Variants in OCSTAMP observed in about 807,000 individuals in gnomAD.
OCSTAMP encodes the protein transmembrane protein C20orf123.
In OCSTAMP, 17 loss-of-function variants were observed where a neutral mutation model predicts 25.2. The observed-to-expected ratio is 0.68, with a 90% CI of 0.46 to 1.01. The LOEUF (loss-of-function observed/expected upper bound fraction) is 1.01, where lower values mean the gene tolerates loss of function less well. OCSTAMP is among the 50% of genes least tolerant of loss of function. OCSTAMP has a pLI of 0.00. For synonymous variants in OCSTAMP, 345 were observed against 318.9 expected, an observed-to-expected ratio of 1.08 and a Z score of -0.87; for missense variants, 664 against 694.6, an observed-to-expected ratio of 0.96 and a Z score of 0.50.
At chr20:46,542,247 A>G (rs1372321617) in intron 2 of OCSTAMP, among the ~76,000 whole-genome samples, 3 of 152,168 alleles carry the variant, frequency 2.0e-5, no homozygotes, top group African/African-American at 4.8e-5. Flanking sequence ...TCCAATATAC[A>G]CAATTCTATG....
At position 46,550,539 on chromosome 20, in the gene OCSTAMP, C is replaced by T; in HGVS notation, c.22G>A (p.Ala8Thr). The change falls in exon 1 of 3, where the codon GCT becomes ACT. Residue 8 changes from alanine to threonine, a missense_variant. Physicochemically the swap from Ala to Thr is moderately conservative, Grantham distance 58. Transcript: ENST00000279028. MPGHPGA[A>T]EQLVKTGWRS... ...TACCCGGTCTTGACAAGTTGCTCAGCTGCTCCTGGGTGGCCTGGCATGCTG... is the reference window on the plus strand; with the variant it reads ...TACCCGGTCTTGACAAGTTGCTCAGTTGCTCCTGGGTGGCCTGGCATGCTG... The T allele has an allele frequency of 3.9e-6, 6 of 1,551,740 alleles. No individual in the cohort carries two copies. The highest frequency in any genetic ancestry group is 5.2e-6 in the Non-Finnish European group (6 of 1,146,990).
At position 46,541,882 on chromosome 20, in the gene OCSTAMP, G is replaced by T; in HGVS notation, c.1093C>A (p.Leu365Met). ...GAGAGGAAGGGGCTCTCCGGAGCCA[G>T]CTGGTTGAAGAGGAAAGGGATGAAG... ...LGFIPFLFNQLAPESPFLSVH... is the reference protein window; with the variant it reads ...LGFIPFLFNQMAPESPFLSVH... The change falls in exon 3 of 3, where the codon CTG becomes ATG. Residue 365 changes from leucine (L) to methionine (M), a missense_variant. Leu to Met is a conservative substitution (Grantham distance 15). Coordinates refer to ENST00000279028, the MANE Select transcript of OCSTAMP (RefSeq NM_080721.3). The T allele has an allele frequency of 6.8e-7, 1 of 1,462,688 alleles. No individual in the cohort carries two copies. Among genetic ancestry groups the T allele is most frequent in the Admixed American group, 2.9e-5 (1 of 34,140 alleles). 90.6% of individuals were successfully genotyped at this position (1,462,688 alleles called of 1,614,324 possible).
Position 46,541,443 on chromosome 20 carries a change from A to G in OCSTAMP, c.1532T>C (p.Leu511Pro), listed in dbSNP as rs890309620. The G allele has an allele frequency of 3.3e-6, 5 of 1,518,548 alleles. No homozygotes were observed. Among genetic ancestry groups the G allele is most frequent in the African/African-American group, 2.8e-5 (2 of 72,290 alleles). The allele number at this position is 1,518,548 out of a possible 1,614,324, so 94.1% of individuals were successfully genotyped here. A position where few individuals can be genotyped will look rare whatever the true frequency, so the allele number is the denominator to read the frequency against. The change falls in exon 3 of 3, where the codon CTT becomes CCT. Residue 511 changes from leucine (L) to proline (P), a missense_variant. By Grantham distance (98) the Leu-to-Pro change is moderately conservative. Transcript: ENST00000279028. Reference protein sequence around the residue: ...LWSCRDLSCNLGPVPPPCVTL... With the variant: ...LWSCRDLSCNPGPVPPPCVTL... ...CACACAGGGAGGCGGCACAGGACCA[A>G]GGTTACAACTCAGGTCTCTGCAACT...
chr20:46,546,260 G>A lies in OCSTAMP; in HGVS notation c.114C>T (p.Ser38=). Residue 38 remains serine, a synonymous_variant, in exon 2 of 3, where the codon TCC becomes TCT. Transcript: ENST00000279028. ...GGCCACAGCTGGCTGGAACAGGCTG[G>A]GAGAAGGCGTCCCAGGCAGCCTGCA... ...APLQAAWDAF[S]QPVPASCGQL... 1 of 1,550,926 alleles carries A rather than the reference G, an allele frequency of 6.4e-7. No homozygotes were observed. The highest frequency in any genetic ancestry group is 8.7e-7 in the Non-Finnish European group (1 of 1,146,960).
rs1470363549 is a variant in OCSTAMP, at chr20:46,541,534, A to T, written c.1441T>A (p.Trp481Arg). Residue 481 changes from tryptophan (W) to arginine (R), a missense_variant, in exon 3 of 3, where the codon TGG becomes AGG. Transcript: ENST00000279028. Reference protein sequence around the residue: ...TPRPACKPPAWIDYRLDALRT... With the variant: ...TPRPACKPPARIDYRLDALRT... ...AAGGCATCCAGCCTGTAGTCTATCCATGCCGGAGGCTTGCAGGCAGGTCTG... is the reference window on the plus strand; with the variant it reads ...AAGGCATCCAGCCTGTAGTCTATCCTTGCCGGAGGCTTGCAGGCAGGTCTG... 6.4e-7 allele frequency: 1 copy of T among 1,551,602 alleles called. No individual in the cohort carries two copies. The highest frequency in any genetic ancestry group is 8.7e-7 in the Non-Finnish European group (1 of 1,146,968).
intron 2 of OCSTAMP, among the ~76,000 whole-genome samples, chr20:46,542,896 A>G (rs3092003): frequency 2.7e-3 from 406 of 152,338 alleles, no homozygotes; most frequent in African/African-American, 9.5e-3. Flanking sequence ...ATAATGTGAA[A>G]GCAATGAGTG....
At chr20:46,548,790 T>TCCC (rs2061861037) in intron 1 of OCSTAMP, among the ~76,000 whole-genome samples, 1 of 152,222 alleles carries the variant, frequency 6.6e-6, no homozygotes, top group South Asian at 2.1e-4. Flanking sequence ...CTGGGTCTAG[T>TCCC]TGATCCAAGT....
intron 2 of OCSTAMP, among the ~76,000 whole-genome samples, chr20:46,545,050 G>A (rs560341285): frequency 6.6e-6 from 1 of 152,230 alleles, no homozygotes. Context: ...GCTAGGACAA[G>A]CTGCCACTTG....
intron 2 of OCSTAMP, among the ~76,000 whole-genome samples, chr20:46,543,705 A>G (rs1209110713): frequency 6.6e-6 from 1 of 152,182 alleles, no homozygotes; most frequent in Non-Finnish European, 1.5e-5. Flanking sequence ...TAATAAGTGA[A>G]CTATTTTATA....
In OCSTAMP at chr20:46,542,296, G is replaced by C. The variant is rs185012905; in HGVS notation, c.1048-369C>G. 3.3e-5 allele frequency among the ~76,000 whole-genome samples: 5 copies of C among 152,230 alleles called. No individual in the cohort carries two copies. In the South Asian group the frequency reaches 8.3e-4, roughly 25 times the overall value. ...AGGAGCCTAATTTAAAAGATGGGAA[G>C]TGGCCAGGCGCAGTGGCTCACGCCT... On this transcript the variant is annotated intron_variant, in intron 2 of 2. Coordinates refer to ENST00000279028, the MANE Select transcript of OCSTAMP (RefSeq NM_080721.3).
Position 46,545,931 on chromosome 20 carries a change from A to T in OCSTAMP, c.443T>A (p.Val148Glu), listed in dbSNP as rs1170883682. ...VLANVGAAGQ[V>E]LRCVTEGSLE... The stretch of plus-strand genomic sequence containing the variant: ...GGAGCCCTCGGTGACACACCTCAGC[A>T]CCTGCCCGGCCGCACCCACGTTGGC... The change falls in exon 2 of 3, where the codon GTG (valine) becomes GAG (glutamate). Residue 148 changes from valine to glutamate, a missense_variant. Physicochemically the swap from Val to Glu is moderately radical, Grantham distance 121. Transcript: ENST00000279028. The T allele has an allele frequency of 1.3e-6, 2 of 1,551,190 alleles. No individual in the cohort carries two copies. The highest frequency in any genetic ancestry group is 1.7e-6 in the Non-Finnish European group (2 of 1,146,994).
At chr20:46,548,187 G>A (rs932868604) in intron 1 of OCSTAMP, among the ~76,000 whole-genome samples, 4 of 152,160 alleles carry the variant, frequency 2.6e-5, no homozygotes, top group Admixed American at 6.5e-5. Context: ...GTGAACTTGG[G>A]TACATATCAC....
chr20:46,541,726 G>T lies in OCSTAMP; in HGVS notation c.1249C>A (p.Leu417Ile). Residue 417 changes from leucine to isoleucine, a missense_variant, in exon 3 of 3, where the codon CTC becomes ATC. Leu to Ile is a conservative substitution (Grantham distance 5). Coordinates refer to ENST00000279028, the MANE Select transcript of OCSTAMP (RefSeq NM_080721.3). ...ALQLLAGSTV[L>I]LEAYARRLRH... ...AGGCGGCGGGCGTAGGCCTCCAGGA[G>T]CACCGTGGAGCCCGCCAGGAGCTGC... 6.5e-7 allele frequency: 1 copy of T among 1,547,356 alleles called. No individual in the cohort carries two copies. The highest frequency in any genetic ancestry group is 2.0e-4 in the Middle Eastern group (1 of 4,948).
chr20:46,541,537 C>T lies in OCSTAMP; in HGVS notation c.1438G>A (p.Ala480Thr). The T allele has an allele frequency of 6.4e-7, 1 of 1,551,730 alleles. No individual in the cohort carries two copies. Among genetic ancestry groups the T allele is most frequent in the East Asian group, 2.4e-5 (1 of 40,930 alleles). ...PTPRPACKPP[A>T]WIDYRLDALR... is the part of the protein sequence containing the mutation. Reference sequence around the variant, plus strand: ...GCATCCAGCCTGTAGTCTATCCATGCCGGAGGCTTGCAGGCAGGTCTGGGT... The same window carrying T: ...GCATCCAGCCTGTAGTCTATCCATGTCGGAGGCTTGCAGGCAGGTCTGGGT... The change falls in exon 3 of 3, where the codon GCA (alanine) becomes ACA (threonine). Residue 480 changes from alanine to threonine, a missense_variant. Transcript: ENST00000279028.
At chr20:46,542,082 G>A (rs1186976275) in intron 2 of OCSTAMP, among the ~76,000 whole-genome samples, 155 bp from the exon 3 acceptor site, 1 of 152,194 alleles carries the variant, frequency 6.6e-6, no homozygotes, top group Non-Finnish European at 1.5e-5. Context: ...AATGAGACTA[G>A]GAGTCTGAAA....
chr20:46,546,366 AGGTGGGTG>A, intron 1 of OCSTAMP, 37 bp from the exon 2 acceptor site: 1 of 775,006 alleles, frequency 1.3e-6, no homozygotes, highest in Non-Finnish European at 2.0e-6. Context: ...CTCTATCAGG[AGGTGGGTG>A]GGTGGGTGTC....
rs539831295 is a variant in OCSTAMP at position 46,547,070 on chromosome 20, G to A, written c.45-741C>T. Among the ~76,000 whole-genome samples, 7 of 152,284 alleles carry A rather than the reference G, an allele frequency of 4.6e-5. No homozygotes were observed. The East Asian group carries it at 1.2e-3, about 25-fold the overall frequency. On this transcript the variant is annotated intron_variant, in intron 1 of 2. Transcript: ENST00000279028. ...CAACAAGATTTGCAGAGGCTGATTG[G>A]TTGTGGGGTGTGAGAGAAAGAGGGG...
At position 46,542,523 on chromosome 20, in the gene OCSTAMP, T is replaced by C. The variant is rs112443654; in HGVS notation, c.1048-596A>G. On this transcript the variant is annotated intron_variant, in intron 2 of 2. Transcript: ENST00000279028. ...TTGAGCCCGAGAGGGGAGGGTGCAGTGAGATTACACCACTGCACTCCAGAC... is the reference window on the plus strand; with the variant it reads ...TTGAGCCCGAGAGGGGAGGGTGCAGCGAGATTACACCACTGCACTCCAGAC... Among the ~76,000 whole-genome samples the C allele has an allele frequency of 6.7e-3, 880 of 131,698 alleles. 10 individuals are homozygous for C. The highest frequency in any genetic ancestry group is 0.023 in the African/African-American group (789 of 34,102). The allele number at this position is 131,698 out of a possible 152,430, so 86.4% of individuals were successfully genotyped here.
chr20:46,541,149 A>C lies in OCSTAMP; in HGVS notation c.*125T>G, dbSNP rs1039404662. On this transcript the variant is annotated 3_prime_UTR_variant, in exon 3 of 3. Coordinates refer to ENST00000279028, the MANE Select transcript of OCSTAMP (RefSeq NM_080721.3). ...GAGCATTTCGAGAAATTCATGATGC[A>C]AGGTCTCCATCTAACAAGTAGAGCA... The C allele has an allele frequency of 1.5e-5, 9 of 613,706 alleles. No individual in the cohort carries two copies. The South Asian group carries it at 1.8e-4, about 13-fold the overall frequency. 38.0% of individuals were successfully genotyped at this position (613,706 alleles called of 1,614,324 possible).
Sources: gnomAD v4.1 joint callset for allele counts (sites outside exome capture counted in the v4.1 genomes callset) on GRCh38, gnomAD v4.1.1 for gene constraint, MANE v1.5 for transcripts, NCBI Gene and HGNC (gene_info 2026-07-23, HGNC 2026-07-21) for gene names.